Variants in NIPBL observed in about 807,000 individuals in gnomAD.
The protein encoded by NIPBL is nipped-B-like protein.
A neutral mutation model predicts 321.8 loss-of-function variants in NIPBL; 19 were observed. That is an observed-to-expected ratio of 0.06 (90% CI 0.04 to 0.09). The LOEUF (loss-of-function observed/expected upper bound fraction) is 0.09. Ranked by LOEUF, NIPBL falls within the 10% of genes least tolerant of loss-of-function variation. The probability of loss-of-function intolerance (pLI) is 1.00; values close to 1 mark genes in which losing one functional copy is unlikely to be tolerated. For missense variants in NIPBL, 2,210 were observed against 3,327.0 expected, an observed-to-expected ratio of 0.66 and a Z score of 8.26; for synonymous variants, 1,106 against 1,114.1, an observed-to-expected ratio of 0.99 and a Z score of 0.14.
intron 1 of NIPBL, among the ~76,000 whole-genome samples, chr5:36,922,799 C>T (rs190945861): frequency 2.6e-4 from 40 of 152,192 alleles, no homozygotes; most frequent in Non-Finnish European, 5.6e-4. Context: ...AGATAAATGC[C>T]AAAAAGCAAA....
rs1442063270 is a variant in NIPBL, at chr5:37,019,304, T to C, written c.4921-7T>C. On this transcript the variant is annotated splice_polypyrimidine_tract_variant and splice_region_variant and intron_variant, in intron 24 of 46. Coordinates refer to ENST00000282516, the MANE Select transcript of NIPBL (RefSeq NM_133433.4). Reference sequence around the variant, plus strand: ...TCTTTTTTGTTCTTATTTGGTTTATTCTATAGGTTTCAGGAGGGGAAGATG... The same window carrying C: ...TCTTTTTTGTTCTTATTTGGTTTATCCTATAGGTTTCAGGAGGGGAAGATG... 2.5e-6 allele frequency: 4 copies of C among 1,590,798 alleles called. No homozygotes were observed. The African/African-American group carries it at 4.0e-5, about 16-fold the overall frequency.
At chr5:37,031,940 A>C (rs1224562213) in intron 32 of NIPBL, among the ~76,000 whole-genome samples, 1 of 152,208 alleles carries the variant, frequency 6.6e-6, no homozygotes, top group African/African-American at 2.4e-5. Flanking sequence ...GGCTGCAGGG[A>C]GCTGGGGATT....
chr5:36,976,664 G>T (rs575286583), intron 9 of NIPBL, among the ~76,000 whole-genome samples: 69 of 152,044 alleles, frequency 4.5e-4, no homozygotes, highest in African/African-American at 1.6e-3. Context: ...TTACTTATTT[G>T]TGCTTTTCTG....
rs141937865 is a variant in NIPBL at position 36,976,273 on chromosome 5, C to A, written c.1366C>A (p.Gln456Lys). The change falls in exon 9 of 47, where the codon CAA (glutamine) becomes AAA (lysine). Residue 456 changes from glutamine (Q) to lysine (K), a missense_variant. Physicochemically the swap from Gln to Lys is moderately conservative, Grantham distance 53. This residue lies in a region of NIPBL where 464 missense variants were observed against 529.5 expected (regional missense o/e 0.88). Coordinates refer to ENST00000282516, the MANE Select transcript of NIPBL (RefSeq NM_133433.4). ...KQPQTSVVQN[Q>K]QQISQQGPIY... The stretch of plus-strand genomic sequence containing the variant: ...ACCCCAGACTTCTGTGGTACAGAAT[C>A]AACAACAGATATCACAACAGGGACC... 1.9e-6 allele frequency: 3 copies of A among 1,613,768 alleles called. No homozygotes were observed. Among genetic ancestry groups the A allele is most frequent in the Non-Finnish European group, 2.5e-6 (3 of 1,179,852 alleles).
intron 21 of NIPBL, among the ~76,000 whole-genome samples, chr5:37,011,767 A>G (rs1419366915): frequency 6.6e-6 from 1 of 152,034 alleles, no homozygotes; most frequent in Non-Finnish European, 1.5e-5. Context: ...ACAGTGACAT[A>G]TTTACAGCTA....
rs767653666 is a variant in NIPBL at position 37,036,347 on chromosome 5, G to GTGTATA, written c.5863-31_5863-30insGTATAT. 146 of 384,502 alleles carry GTGTATA rather than the reference G, an allele frequency of 3.8e-4. 1 individual carries two copies. The highest frequency in any genetic ancestry group is 3.1e-3 in the African/African-American group (126 of 41,200). 23.8% of individuals were successfully genotyped at this position (384,502 alleles called of 1,614,324 possible). A position where few individuals can be genotyped will look rare whatever the true frequency, so the allele number is the denominator to read the frequency against. The stretch of plus-strand genomic sequence containing the variant: ...TTTTTTCTTTTTTGTATATATATAT[G>GTGTATA]TATATATATATATATATATATGTAT... On this transcript the variant is annotated intron_variant, in intron 32 of 46. Transcript: ENST00000282516.
chr5:36,963,767 T>TGACA (rs1160710269), intron 6 of NIPBL, among the ~76,000 whole-genome samples: 3 of 152,056 alleles, frequency 2.0e-5, no homozygotes, highest in African/African-American at 7.2e-5. Context: ...CCAGCCTGGG[T>TGACA]GACAGATTGA....
chr5:37,043,330 C>CCAG (rs1221623601), intron 34 of NIPBL, among the ~76,000 whole-genome samples: 4 of 152,062 alleles, frequency 2.6e-5, no homozygotes, highest in Non-Finnish European at 2.9e-5. Flanking sequence ...GAGTCCTAGA[C>CCAG]CAGCCTGGCC....
intron 32 of NIPBL, among the ~76,000 whole-genome samples, chr5:37,034,271 A>G (rs1225198222): frequency 6.6e-6 from 1 of 152,184 alleles, no homozygotes; most frequent in Non-Finnish European, 1.5e-5. Context: ...TAATACAGAT[A>G]ATAATTGAGA....
chr5:36,886,005 A>G, intron 1 of NIPBL: 1 of 722,732 alleles, frequency 1.4e-6, no homozygotes. Context: ...GAGGAGCTAG[A>G]CAAGTACTGG....
intron 38 of NIPBL, among the ~76,000 whole-genome samples, chr5:37,047,138 A>T (rs1295416736): frequency 1.3e-5 from 2 of 152,194 alleles, no homozygotes; most frequent in Non-Finnish European, 2.9e-5. Flanking sequence ...TTATATGCAA[A>T]TACTACCCCA....
chr5:36,968,052 C>T (rs1490224411), intron 6 of NIPBL, among the ~76,000 whole-genome samples: 10 of 141,940 alleles, frequency 7.0e-5, no homozygotes, highest in African/African-American at 2.2e-4. Flanking sequence ...GCTGAGATCA[C>T]GCCACTGCAC....
At chr5:36,891,892 A>G (rs1027622033) in intron 1 of NIPBL, among the ~76,000 whole-genome samples, 2 of 152,138 alleles carry the variant, frequency 1.3e-5, no homozygotes, top group African/African-American at 2.4e-5. Context: ...TAGTGATTCT[A>G]TGTAGGTAGA....
rs375676506 is a variant in NIPBL at position 36,957,607 on chromosome 5, A to C, written c.231-497A>C. On this transcript the variant is annotated intron_variant, in intron 3 of 46. Coordinates refer to ENST00000282516, the MANE Select transcript of NIPBL (RefSeq NM_133433.4). ...TCTCTTGACTGTGTAAAGTAAAATG[A>C]AGAAAAAGATTGTCCTTAGAAGAAT... 9.2e-5 allele frequency among the ~76,000 whole-genome samples: 14 copies of C among 152,186 alleles called. No homozygotes were observed. In the East Asian group the frequency reaches 1.7e-3, roughly 19 times the overall value.
rs1350663842 is a variant in NIPBL at position 36,876,984 on chromosome 5, A to C, written c.-274A>C. 2 of 387,054 alleles carry C rather than the reference A, an allele frequency of 5.2e-6. No homozygotes were observed. The highest frequency in any genetic ancestry group is 2.1e-5 in the African/African-American group (1 of 47,796). 24.0% of individuals were successfully genotyped at this position (387,054 alleles called of 1,614,324 possible). ...TGGTCGGGTGTTTGTGAGTGTTTCT[A>C]TGTGGGAGAAGGAGGAGGAGGAGGA... On this transcript the variant is annotated 5_prime_UTR_variant, in exon 1 of 47. An upstream start codon of the reference 5' UTR is lost. Transcript: ENST00000282516.
chr5:37,030,476 G>A (rs1447947306), intron 32 of NIPBL, among the ~76,000 whole-genome samples: 1 of 152,172 alleles, frequency 6.6e-6, no homozygotes, highest in Admixed American at 6.5e-5. Context: ...AGAATGGACT[G>A]CTGGAGTTAT....
chr5:37,022,908 A>T (rs967133157), intron 29 of NIPBL, among the ~76,000 whole-genome samples: 1 of 152,204 alleles, frequency 6.6e-6, no homozygotes, highest in Non-Finnish European at 1.5e-5. Flanking sequence ...CAAACTAAAG[A>T]GGTTCTACAT....
intron 6 of NIPBL, among the ~76,000 whole-genome samples, chr5:36,967,622 C>A (rs1261169395): frequency 3.3e-5 from 5 of 152,284 alleles, no homozygotes; most frequent in Non-Finnish European, 7.3e-5. Flanking sequence ...TATGAACATT[C>A]ATGTCCTGTT....
intron 1 of NIPBL, among the ~76,000 whole-genome samples, chr5:36,923,358 C>T (rs1313288328): frequency 6.6e-6 from 1 of 151,814 alleles, no homozygotes; most frequent in African/African-American, 2.4e-5. Context: ...TTCTCAGGGC[C>T]AATGATGTTA....
Sources: gnomAD v4.1 joint callset for allele counts (sites outside exome capture counted in the v4.1 genomes callset) on GRCh38, gnomAD v4.1.1 for gene constraint, gnomAD v4.1.1 regional missense constraint, MANE v1.5 for transcripts, NCBI Gene and HGNC (gene_info 2026-07-23, HGNC 2026-07-21) for gene names.